ATAD2B: variants seen among roughly 807,000 people sequenced by gnomAD.
ATAD2B encodes the protein ATPase family AAA domain containing 2B.
ATAD2B carries 40 observed loss-of-function variants against 167.6 expected under a neutral mutation model. The observed-to-expected ratio is 0.24, with a 90% confidence interval of 0.19 to 0.31. The LOEUF (loss-of-function observed/expected upper bound fraction) is 0.31, where lower values mean the gene tolerates loss of function less well. ATAD2B is among the 10% of genes least tolerant of loss of function. The pLI is 1.00. For missense variants in ATAD2B, 1,242 were observed against 1,757.2 expected (o/e 0.71, Z 5.24); for synonymous variants, 579 against 596.5 (o/e 0.97, Z 0.43).
chr2:23,877,055 G>A (rs1295702787), intron 7 of ATAD2B, among the ~76,000 whole-genome samples: 2 of 108,174 alleles, frequency 1.8e-5, no homozygotes, highest in African/African-American at 6.8e-5. Context: ...CAAGAAGAGC[G>A]AAACTCCATC....
At chr2:23,807,950 A>AAT (rs1205629285) in intron 18 of ATAD2B, among the ~76,000 whole-genome samples, 15 of 112,032 alleles carry the variant, frequency 1.3e-4, no homozygotes, top group South Asian at 2.7e-4. Flanking sequence ...TAAATATATA[A>AAT]ATATTTATAA....
intron 4 of ATAD2B, among the ~76,000 whole-genome samples, chr2:23,887,347 A>G (rs1698838260): frequency 1.3e-5 from 2 of 152,174 alleles, no homozygotes; most frequent in Admixed American, 6.6e-5. Context: ...GTCTCCAGCC[A>G]CCACACTTGG....
At chr2:23,788,773 GT>G in intron 19 of ATAD2B, 126 bp from the exon 20 acceptor site, 1 of 816,710 alleles carries the variant, frequency 1.2e-6, no homozygotes, top group Non-Finnish European at 1.8e-6. Flanking sequence ...TTCACATGGG[GT>G]TATAGTTAAC....
intron 21 of ATAD2B, among the ~76,000 whole-genome samples, chr2:23,783,384 T>C (rs1445259346): frequency 1.3e-5 from 2 of 150,940 alleles, no homozygotes; most frequent in African/African-American, 4.9e-5. Flanking sequence ...AGGAAAAAAA[T>C]TAAGGAAAAT....
intron 14 of ATAD2B, among the ~76,000 whole-genome samples, chr2:23,830,220 C>A (rs1475270750): frequency 6.6e-6 from 1 of 152,088 alleles, no homozygotes; most frequent in Non-Finnish European, 1.5e-5. Flanking sequence ...CCGACCTCAA[C>A]TGTTCCGCCC....
chr2:23,925,470 T>TC (rs1704602615), intron 1 of ATAD2B, among the ~76,000 whole-genome samples: 2 of 152,146 alleles, frequency 1.3e-5, no homozygotes, highest in Non-Finnish European at 2.9e-5. Context: ...AATATTGCTT[T>TC]CCCCCAATAA....
intron 6 of ATAD2B, 105 bp from the exon 7 acceptor site, chr2:23,880,860 GCA>G: frequency 1.4e-6 from 1 of 689,964 alleles, no homozygotes; most frequent in Non-Finnish European, 2.4e-6. Flanking sequence ...TACTCTTTCT[GCA>G]CAGGTGACAT....
chr2:23,796,767 A>G (rs1424364), intron 19 of ATAD2B, among the ~76,000 whole-genome samples: 3,364 of 152,248 alleles, frequency 0.022, 137 homozygotes, highest in African/African-American at 0.077. Flanking sequence ...CAAACATTTA[A>G]TAGCTCCATG....
intron 16 of ATAD2B, among the ~76,000 whole-genome samples, chr2:23,822,877 A>G (rs1687671132): frequency 7.6e-6 from 1 of 132,044 alleles, no homozygotes; most frequent in Non-Finnish European, 1.5e-5. Flanking sequence ...AGACTGCGCC[A>G]TTACACTCCA....
the ATAD2B span, among the ~76,000 whole-genome samples, chr2:23,726,722 G>T: frequency 6.6e-6 from 1 of 152,098 alleles, no homozygotes; most frequent in Non-Finnish European, 1.5e-5. Context: ...GAAACCTAAG[G>T]ACACTATGGT....
At chr2:23,709,047 TC>T in the ATAD2B span, among the ~76,000 whole-genome samples, 1 of 151,878 alleles carries the variant, frequency 6.6e-6, no homozygotes, top group African/African-American at 2.4e-5. Context: ...TTTCTTTTTT[TC>T]TTTTTTATTG....
intron 7 of ATAD2B, among the ~76,000 whole-genome samples, chr2:23,878,282 A>AC (rs1430798234): frequency 4.0e-5 from 6 of 151,594 alleles, no homozygotes; most frequent in African/African-American, 1.2e-4. Context: ...AATCGCTTGA[A>AC]CCCAGGAGGC....
chr2:23,808,226 A>C (rs1265532464), intron 18 of ATAD2B, among the ~76,000 whole-genome samples: 1 of 137,686 alleles, frequency 7.3e-6, no homozygotes, highest in African/African-American at 2.7e-5. Context: ...TATATAAAGT[A>C]AATATATATA....
intron 15 of ATAD2B, among the ~76,000 whole-genome samples, chr2:23,824,649 A>C (rs1687968680): frequency 6.6e-6 from 1 of 152,204 alleles, no homozygotes; most frequent in Admixed American, 6.5e-5. Flanking sequence ...TTATACCAAC[A>C]TAAGGTATTA....
chr2:23,678,068 T>C, the ATAD2B span, among the ~76,000 whole-genome samples: 24,297 of 152,232 alleles, frequency 0.16, 2,039 homozygotes, highest in Middle Eastern at 0.24. Flanking sequence ...TACCATCTCA[T>C]ACAGCCCTTA....
intron 10 of ATAD2B, among the ~76,000 whole-genome samples, chr2:23,865,506 G>A (rs1003580506): frequency 2.0e-5 from 3 of 148,446 alleles, no homozygotes; most frequent in African/African-American, 7.5e-5. Flanking sequence ...TACAGCCTGG[G>A]CAACAAGAGT....
intron 2 of ATAD2B, among the ~76,000 whole-genome samples, chr2:23,888,881 G>A (rs537286878): frequency 2.6e-4 from 40 of 152,248 alleles, no homozygotes; most frequent in African/African-American, 9.6e-4. Context: ...TCAAACAGCT[G>A]ATTTATCGAA....
At chr2:23,754,932 A>AT (rs944761408) in intron 25 of ATAD2B, 158 bp from the exon 26 acceptor site, 7 of 668,150 alleles carry the variant, frequency 1.0e-5, no homozygotes, top group African/African-American at 9.3e-5. Flanking sequence ...AATGTGGTAG[A>AT]TTTTTTATTG....
chr2:23,719,078 A>T, the ATAD2B span, among the ~76,000 whole-genome samples: 2 of 152,222 alleles, frequency 1.3e-5, no homozygotes, highest in Non-Finnish European at 2.9e-5. Context: ...GTCATTATTC[A>T]GCCTAACACA....
Sources: allele counts gnomAD v4.1 joint callset (sites outside exome capture counted in the v4.1 genomes callset), GRCh38; gene constraint gnomAD v4.1.1; transcripts MANE v1.5; gene names NCBI Gene and HGNC (gene_info 2026-07-23, HGNC 2026-07-21).